SDK2: variants seen among roughly 807,000 people sequenced by gnomAD.
SDK2 encodes the protein protein sidekick-2.
In SDK2, 105 loss-of-function variants were observed where a neutral mutation model predicts 253.9. The observed-to-expected ratio is 0.41, with a 90% confidence interval of 0.35 to 0.49. SDK2 has a LOEUF of 0.49. Among genes scored for constraint, SDK2 ranks in the 20% least tolerant of loss-of-function variants. SDK2 has a pLI of 0.06. For synonymous variants in SDK2, 1,249 were observed against 1,234.9 expected (o/e 1.01, Z -0.24); for missense variants, 2,608 against 3,003.0 (o/e 0.87, Z 3.07).
intron 40 of SDK2, 120 bp downstream of exon 40, chr17:73,357,959 C>T (rs748190436): frequency 4.7e-6 from 7 of 1,476,322 alleles, no homozygotes; most frequent in South Asian, 1.1e-5. Flanking sequence ...GGTGACTTCA[C>T]CTGTAGTAGC....
intron 36 of SDK2, among the ~76,000 whole-genome samples, chr17:73,378,294 T>G (rs4969031): frequency 1 from 151,662 of 152,172 alleles, 75,580 homozygotes; most frequent in Middle Eastern, 1. Flanking sequence ...TAGAGTCAGG[T>G]TCTCACTATG....
intron 36 of SDK2, among the ~76,000 whole-genome samples, chr17:73,376,301 C>T (rs2062780544): frequency 6.6e-6 from 1 of 152,206 alleles, no homozygotes; most frequent in Non-Finnish European, 1.5e-5. Context: ...GTTGGCCTTC[C>T]CTCCCTAACA....
intron 1 of SDK2, among the ~76,000 whole-genome samples, chr17:73,532,614 G>A (rs972099285): frequency 2.6e-5 from 4 of 152,168 alleles, no homozygotes; most frequent in African/African-American, 7.2e-5. Context: ...CAATGAAATC[G>A]CCCTTCTTAT....
At chr17:73,479,519 C>T (rs908084705) in intron 2 of SDK2, among the ~76,000 whole-genome samples, 1 of 152,220 alleles carries the variant, frequency 6.6e-6, no homozygotes, top group Non-Finnish European at 1.5e-5. Flanking sequence ...TCGGGCAAAA[C>T]TCTGTCCAGG....
intron 1 of SDK2, among the ~76,000 whole-genome samples, chr17:73,607,461 T>C (rs1007043451): frequency 3.9e-5 from 6 of 152,094 alleles, no homozygotes; most frequent in African/African-American, 1.4e-4. Context: ...CGGGGGACCC[T>C]TAAGACAAAG....
chr17:73,483,246 T>C (rs185397955), intron 2 of SDK2, among the ~76,000 whole-genome samples: 1 of 150,132 alleles, frequency 6.7e-6, no homozygotes, highest in African/African-American at 2.5e-5. Flanking sequence ...AGAGAGCCGC[T>C]ACATAGATGG....
At chr17:73,339,262 C>A (rs1165366786) in intron 44 of SDK2, among the ~76,000 whole-genome samples, 3 of 147,160 alleles carry the variant, frequency 2.0e-5, no homozygotes, top group African/African-American at 7.5e-5. Context: ...CAGAATCTCG[C>A]TGTTGCCAGG....
At chr17:73,422,479 A>T in intron 14 of SDK2, 45 bp from the exon 15 acceptor site, 3 of 1,597,288 alleles carry the variant, frequency 1.9e-6, no homozygotes, top group African/African-American at 2.7e-5. Flanking sequence ...CTTGGGTGGG[A>T]TGAAGCATGC....
rs552737760 is a variant in SDK2, at chr17:73,407,607, A to G, written c.2485-5466T>C. 1.8e-4 allele frequency among the ~76,000 whole-genome samples: 28 copies of G among 152,154 alleles called. No individual in the cohort carries two copies. The South Asian group carries it at 4.6e-3, about 25-fold the overall frequency. On this transcript the variant is annotated intron_variant, in intron 18 of 44. Coordinates refer to ENST00000392650, the MANE Select transcript of SDK2 (RefSeq NM_001144952.2). ...TCTTTATTTTTTCTGTTTTTTAGAA[A>G]TAGAGATAGCGGGGGCGGGGGAGTC...
chr17:73,582,871 C>T (rs1286035214), intron 1 of SDK2, among the ~76,000 whole-genome samples: 1 of 152,192 alleles, frequency 6.6e-6, no homozygotes, highest in Non-Finnish European at 1.5e-5. Flanking sequence ...ACTCACGTCT[C>T]GTCAGCCTCC....
chr17:73,546,160 C>T (rs929941818), intron 1 of SDK2, among the ~76,000 whole-genome samples: 3 of 152,182 alleles, frequency 2.0e-5, no homozygotes, highest in African/African-American at 7.2e-5. Flanking sequence ...CCCACCCCAG[C>T]TGCCCCCTCC....
intron 2 of SDK2, among the ~76,000 whole-genome samples, chr17:73,489,287 A>C (rs1456301019): frequency 1.3e-5 from 2 of 152,158 alleles, no homozygotes; most frequent in East Asian, 3.8e-4. Flanking sequence ...TGGAGGCCAG[A>C]GGGAAGGAGT....
At chr17:73,637,806 C>T (rs550183989) in intron 1 of SDK2, among the ~76,000 whole-genome samples, 1 of 152,354 alleles carries the variant, frequency 6.6e-6, no homozygotes, top group Admixed American at 6.5e-5. Context: ...CCCCTCCTCT[C>T]AATTTCCTTC....
At chr17:73,583,393 G>A (rs2045561704) in intron 1 of SDK2, among the ~76,000 whole-genome samples, 1 of 152,156 alleles carries the variant, frequency 6.6e-6, no homozygotes. Flanking sequence ...TTGGGCTGCT[G>A]GGGGTCTGCT....
chr17:73,605,965 T>C (rs1000033809), intron 1 of SDK2, among the ~76,000 whole-genome samples: 31 of 150,460 alleles, frequency 2.1e-4, no homozygotes, highest in African/African-American at 6.7e-4. Flanking sequence ...TTTGGTTTTT[T>C]CCTTCCTGTG....
At chr17:73,452,097 A>T (rs767392409) in intron 4 of SDK2, among the ~76,000 whole-genome samples, 6 of 152,024 alleles carry the variant, frequency 3.9e-5, no homozygotes, top group Non-Finnish European at 8.8e-5. Context: ...TGATAATTTA[A>T]TTATGCATGA....
chr17:73,547,435 C>T (rs986861114), intron 1 of SDK2, among the ~76,000 whole-genome samples: 6 of 152,326 alleles, frequency 3.9e-5, no homozygotes, highest in South Asian at 4.1e-4. Flanking sequence ...ACCACTGTGC[C>T]CAGGGACAGG....
intron 2 of SDK2, among the ~76,000 whole-genome samples, chr17:73,502,541 A>G (rs2063898645): frequency 6.6e-6 from 1 of 152,256 alleles, no homozygotes; most frequent in Admixed American, 6.5e-5. Context: ...TTAGGTTAAG[A>G]TGAGTATGGA....
At chr17:73,625,059 C>A (rs2046183864) in intron 1 of SDK2, among the ~76,000 whole-genome samples, 1 of 152,140 alleles carries the variant, frequency 6.6e-6, no homozygotes, top group Non-Finnish European at 1.5e-5. Flanking sequence ...TGGTAGCTTG[C>A]CGAGGTCCCA....
Sources: allele counts gnomAD v4.1 joint callset (sites outside exome capture counted in the v4.1 genomes callset), GRCh38; gene constraint gnomAD v4.1.1; transcripts MANE v1.5; gene names NCBI Gene and HGNC (gene_info 2026-07-23, HGNC 2026-07-21).